The following TMCO4 variants were observed in gnomAD, a reference collection of about 807,000 sequenced individuals.
TMCO4 encodes the protein transmembrane and coiled-coil domain-containing protein 4.
Under a neutral mutation model 64.7 loss-of-function variants are expected in TMCO4, and 58 were observed. That is an observed-to-expected ratio of 0.90 (90% CI 0.73 to 1.12). The LOEUF (loss-of-function observed/expected upper bound fraction) is 1.12. TMCO4 is among the 50% of genes most tolerant of loss of function. The pLI, the probability that TMCO4 is intolerant of heterozygous loss-of-function variation, is 0.00. For missense variants in TMCO4, 780 were observed against 825.9 expected (o/e 0.94, Z 0.68); for synonymous variants, 325 against 346.1 (o/e 0.94, Z 0.68).
At chr1:19,749,110 T>C (rs906232723) in intron 7 of TMCO4, among the ~76,000 whole-genome samples, 9 of 152,254 alleles carry the variant, frequency 5.9e-5, no homozygotes, top group Admixed American at 3.3e-4. Flanking sequence ...GGCTGAACCA[T>C]GTGCATCTAG....
At chr1:19,717,559 T>C (rs1276542033) in intron 13 of TMCO4, among the ~76,000 whole-genome samples, 1 of 152,232 alleles carries the variant, frequency 6.6e-6, no homozygotes, top group Non-Finnish European at 1.5e-5. Context: ...TCCAGCCTTG[T>C]TTCTCACAAC....
At chr1:19,740,645 A>C in intron 11 of TMCO4, 132 bp downstream of exon 11, 1 of 1,049,686 alleles carries the variant, frequency 9.5e-7, no homozygotes, top group Non-Finnish European at 1.4e-6. Context: ...ATGCGGCCTT[A>C]ACCTCTCTGT....
At chr1:19,762,720 A>G (rs1269539076) in intron 6 of TMCO4, among the ~76,000 whole-genome samples, 1 of 152,212 alleles carries the variant, frequency 6.6e-6, no homozygotes, top group Non-Finnish European at 1.5e-5. Context: ...CAAATCCCCC[A>G]AATCAGGAGC....
intron 4 of TMCO4, among the ~76,000 whole-genome samples, chr1:19,777,644 A>G (rs2043269098): frequency 6.6e-6 from 1 of 152,170 alleles, no homozygotes; most frequent in Non-Finnish European, 1.5e-5. Flanking sequence ...CACTGCGCCC[A>G]GCGCCAAAAA....
In TMCO4 at chr1:19,692,988, A is replaced by G. The variant is rs1174882937; in HGVS notation, c.1500+1446T>C. Among the ~76,000 whole-genome samples the G allele has an allele frequency of 2.6e-5, 4 of 151,316 alleles. No individual in the cohort carries two copies. The Admixed American group carries it at 2.6e-4, about 10-fold the overall frequency. ...GGGGTTCAAAACCAGCCTGGGCAAC[A>G]TGGTGAAATCTTGTTTCTACCAAAA... On this transcript the variant is annotated intron_variant, in intron 15 of 15. Coordinates refer to ENST00000294543, the MANE Select transcript of TMCO4 (RefSeq NM_181719.7).
chr1:19,783,035 G>A lies in TMCO4; in HGVS notation c.-8-2269C>T, dbSNP rs114019918. Among the ~76,000 whole-genome samples, 755 of 152,314 alleles carry A rather than the reference G, an allele frequency of 5.0e-3. 5 individuals carry two copies. Among genetic ancestry groups the A allele is most frequent in the African/African-American group, 0.017 (716 of 41,570 alleles). On this transcript the variant is annotated intron_variant, in intron 3 of 15. Transcript: ENST00000294543. ...CAGGGTTCATGCTATATAAATGCTTGTTTAAAAAATAAAGGCACAAAATGA... is the reference window on the plus strand; with the variant it reads ...CAGGGTTCATGCTATATAAATGCTTATTTAAAAAATAAAGGCACAAAATGA...
intron 12 of TMCO4, 102 bp downstream of exon 12, chr1:19,739,722 A>T (rs1220105882): frequency 6.7e-7 from 1 of 1,502,354 alleles, no homozygotes; most frequent in African/African-American, 1.4e-5. Flanking sequence ...CCATTGAGTT[A>T]TCTCCAAGTA....
chr1:19,715,814 G>C (rs909591416), intron 13 of TMCO4, among the ~76,000 whole-genome samples: 2 of 152,184 alleles, frequency 1.3e-5, no homozygotes, highest in African/African-American at 4.8e-5. Flanking sequence ...TGTAAGCCCC[G>C]GGCATCTCCC....
At chr1:19,747,077 T>G (rs1217551297) in intron 8 of TMCO4, 86 bp downstream of exon 8, 24 of 1,400,078 alleles carry the variant, frequency 1.7e-5, no homozygotes, top group Middle Eastern at 1.8e-4. Context: ...GCTGAGCCCC[T>G]GCACTCTCCA....
chr1:19,716,593 C>T (rs1355565666), intron 13 of TMCO4, among the ~76,000 whole-genome samples: 1 of 151,792 alleles, frequency 6.6e-6, no homozygotes, highest in East Asian at 1.9e-4. Context: ...GTAGAAAGAA[C>T]CCTGGTGTGG....
chr1:19,699,514 T>TATATATATA (rs1557469801), intron 14 of TMCO4, among the ~76,000 whole-genome samples: 1 of 146,080 alleles, frequency 6.8e-6, no homozygotes, highest in African/African-American at 2.5e-5. Flanking sequence ...TATATATATA[T>TATATATATA]TGAGATGGAG....
intron 13 of TMCO4, among the ~76,000 whole-genome samples, chr1:19,702,106 A>C (rs2095276289): frequency 6.6e-6 from 1 of 151,932 alleles, no homozygotes; most frequent in South Asian, 2.1e-4. Context: ...AGTAGCTGGG[A>C]CTATAGGTGC....
At chr1:19,746,338 C>T (rs1359641110) in intron 9 of TMCO4, 118 bp downstream of exon 9, 1 of 1,445,488 alleles carries the variant, frequency 6.9e-7, no homozygotes, top group Non-Finnish European at 9.4e-7. Flanking sequence ...TGAGAAAAGC[C>T]ACGTCTCCTC....
At chr1:19,756,190 A>T (rs1458647282) in intron 6 of TMCO4, among the ~76,000 whole-genome samples, 1 of 152,176 alleles carries the variant, frequency 6.6e-6, no homozygotes, top group Non-Finnish European at 1.5e-5. Context: ...TTGAGGCTGC[A>T]GTGAGCCGTG....
intron 13 of TMCO4, among the ~76,000 whole-genome samples, chr1:19,716,913 C>T (rs927335430): frequency 2.0e-5 from 3 of 152,240 alleles, no homozygotes; most frequent in East Asian, 1.9e-4. Context: ...CAGGGCCGGG[C>T]GCGGTGGCTC....
chr1:19,708,137 TTAGAGGCTATTG>T (rs1245778724), intron 13 of TMCO4, among the ~76,000 whole-genome samples: 1 of 152,130 alleles, frequency 6.6e-6, no homozygotes, highest in Non-Finnish European at 1.5e-5. Context: ...CCTAGTTTTG[TTAGAGGCTATTG>T]TAGGGAAGCC....
intron 2 of TMCO4, among the ~76,000 whole-genome samples, chr1:19,794,582 G>C (rs1035855293): frequency 6.6e-6 from 1 of 152,204 alleles, no homozygotes; most frequent in Non-Finnish European, 1.5e-5. Flanking sequence ...TGAAACACAG[G>C]GGGGACCCCT....
At chr1:19,741,069 A>T in intron 10 of TMCO4, 128 bp from the exon 11 acceptor site, 2 of 971,578 alleles carry the variant, frequency 2.1e-6, no homozygotes, top group South Asian at 3.6e-5. Context: ...ACCCCCTGCC[A>T]ATGAGTGGCA....
chr1:19,707,184 C>A (rs2095307090), intron 13 of TMCO4, among the ~76,000 whole-genome samples: 1 of 152,182 alleles, frequency 6.6e-6, no homozygotes, highest in Non-Finnish European at 1.5e-5. Context: ...ACGTTTGTCC[C>A]CTCCAGATTT....
Sources: gnomAD v4.1 joint callset for allele counts (sites outside exome capture counted in the v4.1 genomes callset) on GRCh38, gnomAD v4.1.1 for gene constraint, MANE v1.5 for transcripts, NCBI Gene and HGNC (gene_info 2026-07-23, HGNC 2026-07-21) for gene names.